The following CREBBP variants were observed in gnomAD, a reference collection of about 807,000 sequenced individuals.
CREBBP encodes the protein CREB binding lysine acetyltransferase.
A neutral mutation model predicts 265.0 loss-of-function variants in CREBBP; 19 were observed. The ratio of observed to expected loss-of-function variants is 0.07; its 90% CI spans 0.05 to 0.11. CREBBP has a LOEUF of 0.11. Ranked by LOEUF, CREBBP falls within the 10% of genes least tolerant of loss-of-function variation. CREBBP has a pLI of 1.00. For missense variants in CREBBP, 2,525 were observed against 3,219.0 expected, an observed-to-expected ratio of 0.78 and a Z score of 5.22; for synonymous variants, 1,457 against 1,223.7, an observed-to-expected ratio of 1.19 and a Z score of -3.98.
intron 1 of CREBBP, among the ~76,000 whole-genome samples, chr16:3,877,956 C>G (rs1213580008): frequency 6.6e-6 from 1 of 152,242 alleles, no homozygotes; most frequent in Non-Finnish European, 1.5e-5. Flanking sequence ...AAAATCCTTT[C>G]TGATCAACTT....
chr16:3,762,264 G>A (rs989133711), intron 16 of CREBBP, among the ~76,000 whole-genome samples: 1 of 152,122 alleles, frequency 6.6e-6, no homozygotes. Context: ...TGGTAATCGG[G>A]AGTGACAGGG....
At chr16:3,739,798 C>T (rs2052156801) in intron 24 of CREBBP, 74 bp from the exon 25 acceptor site, 8 of 1,602,750 alleles carry the variant, frequency 5.0e-6, no homozygotes, top group Non-Finnish European at 6.8e-6. Flanking sequence ...CAGGCCTGCT[C>T]CTCTAACTCT....
At position 3,770,609 on chromosome 16, in the gene CREBBP, T is replaced by C. The variant is rs778521416; in HGVS notation, c.2841A>G (p.Gln947=). 3.7e-6 allele frequency: 6 copies of C among 1,613,718 alleles called. No individual in the cohort carries two copies. The highest frequency in any genetic ancestry group is 5.1e-6 in the Non-Finnish European group (6 of 1,180,030). Residue 947 remains glutamine, a synonymous_variant, in exon 14 of 31, where the codon CAA becomes CAG. Transcript: ENST00000262367. The part of the protein sequence containing the change: ...PSVATPQSSQ[Q]QPTPVHAQPP... ...GCTGGGCGTGCACAGGCGTCGGCTG[T>C]TGCTGCGATGACTGAGGGGTAGCCA...
chr16:3,860,263 C>T (rs1212754960), intron 1 of CREBBP, among the ~76,000 whole-genome samples: 1 of 152,218 alleles, frequency 6.6e-6, no homozygotes, highest in African/African-American at 2.4e-5. Flanking sequence ...GCCCTGACTA[C>T]TCAAATGCTT....
chr16:3,813,641 A>T (rs2053980269), intron 2 of CREBBP, among the ~76,000 whole-genome samples: 1 of 152,200 alleles, frequency 6.6e-6, no homozygotes, highest in African/African-American at 2.4e-5. Flanking sequence ...GACTTCGGAC[A>T]AAATATGACA....
At chr16:3,764,115 T>A (rs2052789469) in intron 16 of CREBBP, among the ~76,000 whole-genome samples, 1 of 152,170 alleles carries the variant, frequency 6.6e-6, no homozygotes, top group South Asian at 2.1e-4. Flanking sequence ...CCAGCCATGC[T>A]TAAGAAAATT....
chr16:3,793,264 A>G, intron 4 of CREBBP, 122 bp downstream of exon 4: 2 of 1,344,368 alleles, frequency 1.5e-6, no homozygotes, highest in Non-Finnish European at 2.1e-6. Flanking sequence ...ATGTCTTGCC[A>G]CACCCAATGG....
At chr16:3,816,035 A>G (rs1322558366) in intron 2 of CREBBP, among the ~76,000 whole-genome samples, 1 of 152,210 alleles carries the variant, frequency 6.6e-6, no homozygotes, top group Non-Finnish European at 1.5e-5. Flanking sequence ...TGCCTCATTC[A>G]ACAACAGCCC....
At chr16:3,834,229 T>C (rs977998021) in intron 2 of CREBBP, among the ~76,000 whole-genome samples, 3 of 152,226 alleles carry the variant, frequency 2.0e-5, no homozygotes, top group Non-Finnish European at 4.4e-5. Flanking sequence ...AAACTAAGCA[T>C]ACTCTTACCA....
intron 4 of CREBBP, among the ~76,000 whole-genome samples, 185 bp from the exon 5 acceptor site, chr16:3,792,279 A>T (rs1311400929): frequency 6.6e-6 from 1 of 152,226 alleles, no homozygotes; most frequent in Non-Finnish European, 1.5e-5. Context: ...ACTGTTGAGA[A>T]ATCCAAACAA....
rs971376469 is a variant in CREBBP at position 3,877,336 on chromosome 16, T to C, written c.85+2496A>G. Among the ~76,000 whole-genome samples, 3 of 152,240 alleles carry C rather than the reference T, an allele frequency of 2.0e-5. No homozygotes were observed. In the South Asian group the frequency reaches 6.2e-4, roughly 32 times the overall value. On this transcript the variant is annotated intron_variant, in intron 1 of 30. Transcript: ENST00000262367. Reference sequence around the variant, plus strand: ...ACTCAAGCCATTTATTTGTTTAAAATACATCCCTAAGATCTCTGTCCATCT... The same window carrying C: ...ACTCAAGCCATTTATTTGTTTAAAACACATCCCTAAGATCTCTGTCCATCT...
At chr16:3,812,002 C>T (rs967809681) in intron 2 of CREBBP, among the ~76,000 whole-genome samples, 2 of 152,008 alleles carry the variant, frequency 1.3e-5, no homozygotes, top group African/African-American at 4.8e-5. Context: ...GGTCAGCACC[C>T]TTAACCCCTG....
chr16:3,772,915 CAAAAAAAAA>C (rs144154476), intron 13 of CREBBP, among the ~76,000 whole-genome samples: 3 of 88,810 alleles, frequency 3.4e-5, no homozygotes, highest in Non-Finnish European at 6.4e-5. Context: ...ACTAAAAATA[CAAAAAAAAA>C]AAAAAAAAAA....
rs1252071232 is a variant in CREBBP at position 3,880,012 on chromosome 16, AGCGAGCGCGGGCC to A, written c.-109_-97del. The A allele has an allele frequency of 1.8e-6, 2 of 1,100,624 alleles. No homozygotes were observed. The highest frequency in any genetic ancestry group is 2.4e-6 in the Non-Finnish European group (2 of 848,934). The allele number at this position is 1,100,624 out of a possible 1,614,324, so 68.2% of individuals were successfully genotyped here. A position where few individuals can be genotyped will look rare whatever the true frequency, so the allele number is the denominator to read the frequency against. ...GGCCCTGCCGGCTGCGAGGGAGAGG[AGCGAGCGCGGGCC>A]GCGAGCGGGCGGGCGGGCGCCGAGG... On this transcript the variant is annotated 5_prime_UTR_variant, in exon 1 of 31. Transcript: ENST00000262367.
chr16:3,863,001 T>C (rs531888280), intron 1 of CREBBP, among the ~76,000 whole-genome samples: 1 of 152,154 alleles, frequency 6.6e-6, no homozygotes, highest in Non-Finnish European at 1.5e-5. Context: ...ATGATGAACT[T>C]CAAAGTTTGA....
chr16:3,796,379 G>A (rs2053608662), intron 3 of CREBBP, among the ~76,000 whole-genome samples: 1 of 150,800 alleles, frequency 6.6e-6, no homozygotes, highest in South Asian at 2.1e-4. Context: ...CCACCTAACT[G>A]GCTTGTACTT....
intron 26 of CREBBP, among the ~76,000 whole-genome samples, chr16:3,737,340 G>A (rs1432754786): frequency 1.3e-5 from 2 of 152,270 alleles, no homozygotes; most frequent in Non-Finnish European, 2.9e-5. Flanking sequence ...GCAGGGTTCC[G>A]TTTACACAAA....
chr16:3,739,253 G>C (rs2052143379), intron 25 of CREBBP, among the ~76,000 whole-genome samples: 1 of 152,310 alleles, frequency 6.6e-6, no homozygotes, highest in South Asian at 2.1e-4. Flanking sequence ...ATTCCTGACT[G>C]CACATGAAGC....
chr16:3,756,815 G>T (rs577556399), intron 19 of CREBBP, among the ~76,000 whole-genome samples: 1 of 152,268 alleles, frequency 6.6e-6, no homozygotes, highest in Non-Finnish European at 1.5e-5. Context: ...AAAAAGGCAT[G>T]TCAACCTTTA....
Sources: gnomAD v4.1 joint callset for allele counts (sites outside exome capture counted in the v4.1 genomes callset) on GRCh38, gnomAD v4.1.1 for gene constraint, MANE v1.5 for transcripts, NCBI Gene and HGNC (gene_info 2026-07-23, HGNC 2026-07-21) for gene names.